The following DLG2 variants were observed in gnomAD, a reference collection of about 807,000 sequenced individuals.
DLG2 encodes the protein discs large MAGUK scaffold protein 2, also known as disks large homolog 2.
Under a neutral mutation model 132.5 loss-of-function variants are expected in DLG2, and 45 were observed. The ratio of observed to expected loss-of-function variants is 0.34; its 90% CI spans 0.27 to 0.44. DLG2 has a LOEUF of 0.44. Among genes scored for constraint, DLG2 ranks in the 20% least tolerant of loss-of-function variants. DLG2 has a pLI of 1.00. For missense variants in DLG2, 1,045 were observed against 1,196.9 expected (o/e 0.87, Z 1.87); for synonymous variants, 424 against 419.6 (o/e 1.01, Z -0.13).
intron 7 of DLG2, among the ~76,000 whole-genome samples, chr11:84,260,215 CA>C (rs1598540131): frequency 6.6e-6 from 1 of 152,098 alleles, no homozygotes; most frequent in East Asian, 1.9e-4. Context: ...GTAGATCCCA[CA>C]AAAAAATTGA....
chr11:85,016,700 T>C (rs2059606508), intron 6 of DLG2, among the ~76,000 whole-genome samples: 1 of 152,082 alleles, frequency 6.6e-6, no homozygotes, highest in Admixed American at 6.6e-5. Context: ...CCCTCTCATT[T>C]CCCTCAAAAA....
intron 7 of DLG2, among the ~76,000 whole-genome samples, chr11:84,447,500 C>T (rs924345169): frequency 5.3e-5 from 8 of 152,108 alleles, no homozygotes; most frequent in Admixed American, 1.3e-4. Flanking sequence ...TCAGTGTTTT[C>T]TCCCCTTTTA....
intron 6 of DLG2, among the ~76,000 whole-genome samples, chr11:84,723,091 G>A (rs1291390334): frequency 1.3e-5 from 2 of 152,082 alleles, no homozygotes; most frequent in African/African-American, 4.8e-5. Flanking sequence ...TATAATTACG[G>A]CTGGTTTTTC....
chr11:85,575,166 T>C (rs957785499), intron 3 of DLG2, among the ~76,000 whole-genome samples: 1 of 149,700 alleles, frequency 6.7e-6, no homozygotes, highest in Non-Finnish European at 1.5e-5. Flanking sequence ...AAAAAAAAAA[T>C]CTTTATAATG....
chr11:84,456,383 T>A (rs59285346), intron 7 of DLG2, among the ~76,000 whole-genome samples: 259 of 151,394 alleles, frequency 1.7e-3, no homozygotes, highest in African/African-American at 6.1e-3. Flanking sequence ...ATAATTCCCA[T>A]AATGATGATA....
intron 2 of DLG2, among the ~76,000 whole-genome samples, chr11:85,614,331 T>C (rs72955945): frequency 7.2e-6 from 1 of 138,780 alleles, no homozygotes; most frequent in Non-Finnish European, 1.5e-5. Context: ...TTTTTTTTTT[T>C]TAAAAATTAA....
At chr11:84,162,744 A>G (rs1230041560) in intron 9 of DLG2, among the ~76,000 whole-genome samples, 4 of 152,112 alleles carry the variant, frequency 2.6e-5, no homozygotes, top group Admixed American at 6.5e-5. Flanking sequence ...GTTTCTGTCA[A>G]TTGGACAGGC....
At chr11:83,718,532 G>GAAAAAAAAAAAAAAAA (rs57237354) in intron 18 of DLG2, among the ~76,000 whole-genome samples, 5 of 106,250 alleles carry the variant, frequency 4.7e-5, no homozygotes, top group Non-Finnish European at 7.1e-5. Context: ...CTCAAAAAAA[G>GAAAAAAAAAAAAAAAA]AAAAAAAAAA....
intron 3 of DLG2, among the ~76,000 whole-genome samples, chr11:85,447,287 C>T (rs1379061566): frequency 6.6e-6 from 1 of 152,134 alleles, no homozygotes; most frequent in African/African-American, 2.4e-5. Flanking sequence ...TGAATTGTGT[C>T]TCCCCTGCCC....
At chr11:83,821,069 A>C (rs2050640736) in intron 17 of DLG2, among the ~76,000 whole-genome samples, 1 of 152,216 alleles carries the variant, frequency 6.6e-6, no homozygotes, top group Admixed American at 6.5e-5. Flanking sequence ...TGTGCCTAGC[A>C]CTGGGTTAGG....
intron 10 of DLG2, among the ~76,000 whole-genome samples, chr11:84,096,994 G>A (rs2097173908): frequency 6.6e-6 from 1 of 151,980 alleles, no homozygotes; most frequent in Non-Finnish European, 1.5e-5. Flanking sequence ...AGGAATAAAA[G>A]TATCTTTGGT....
intron 16 of DLG2, among the ~76,000 whole-genome samples, chr11:83,840,289 C>T (rs1022388865): frequency 3.9e-5 from 6 of 152,156 alleles, no homozygotes; most frequent in African/African-American, 1.4e-4. Flanking sequence ...AACCCAGGCA[C>T]CAGCATTTCC....
intron 9 of DLG2, among the ~76,000 whole-genome samples, chr11:84,108,296 T>TA: frequency 6.6e-6 from 1 of 152,172 alleles, no homozygotes; most frequent in Non-Finnish European, 1.5e-5. Flanking sequence ...GGTCAAGTTA[T>TA]AAGAGTGTAT....
At chr11:84,544,028 A>G (rs1412032637) in intron 6 of DLG2, among the ~76,000 whole-genome samples, 1 of 152,202 alleles carries the variant, frequency 6.6e-6, no homozygotes, top group Non-Finnish European at 1.5e-5. Context: ...TGAATATTTA[A>G]TGAATTCTAA....
intron 9 of DLG2, among the ~76,000 whole-genome samples, chr11:84,135,198 T>C (rs1413958855): frequency 1.3e-5 from 2 of 152,120 alleles, no homozygotes; most frequent in Non-Finnish European, 2.9e-5. Flanking sequence ...ACTTATTGAC[T>C]GACAGACTGA....
At chr11:84,335,920 G>A (rs772093358) in intron 7 of DLG2, among the ~76,000 whole-genome samples, 14 of 152,076 alleles carry the variant, frequency 9.2e-5, no homozygotes, top group Non-Finnish European at 4.4e-5. Flanking sequence ...GGTATTTACA[G>A]GGCTGGATTA....
At chr11:83,586,967 A>G (rs2097096899) in intron 19 of DLG2, among the ~76,000 whole-genome samples, 1 of 152,338 alleles carries the variant, frequency 6.6e-6, no homozygotes, top group South Asian at 2.1e-4. Flanking sequence ...ACACTAGTAA[A>G]TGAGGCTTTC....
At chr11:85,234,951 G>A (rs1039974431) in intron 4 of DLG2, among the ~76,000 whole-genome samples, 2 of 151,788 alleles carry the variant, frequency 1.3e-5, no homozygotes, top group African/African-American at 2.4e-5. Context: ...GAAAATTATC[G>A]TGTTACTATA....
In DLG2 at chr11:85,073,243, A is replaced by C. The variant is rs572638398; in HGVS notation, c.357+38418T>G. Among the ~76,000 whole-genome samples, 5 of 151,938 alleles carry C rather than the reference A, an allele frequency of 3.3e-5. No individual in the cohort carries two copies. The South Asian group carries it at 1.0e-3, about 31-fold the overall frequency. ...GTCAGAGCCTTAGAAAGCACAAGGA[A>C]TTCCCTTCCAGGTCACTCCAGGGTG... is the stretch of plus-strand genomic sequence containing the variant. On this transcript the variant is annotated intron_variant, in intron 6 of 27. Coordinates refer to ENST00000376104, the MANE Select transcript of DLG2 (RefSeq NM_001142699.3).
Sources: gnomAD v4.1 joint callset for allele counts (sites outside exome capture counted in the v4.1 genomes callset) on GRCh38, gnomAD v4.1.1 for gene constraint, MANE v1.5 for transcripts, NCBI Gene and HGNC (gene_info 2026-07-23, HGNC 2026-07-21) for gene names.